The following WSCD2 variants were observed in gnomAD, a reference collection of about 807,000 sequenced individuals.
WSCD2 encodes WSC domain sialate O sulfotransferase 2.
Under a neutral mutation model 55.7 loss-of-function variants are expected in WSCD2, and 28 were observed. The observed-to-expected ratio is 0.50, with a 90% CI of 0.37 to 0.69. WSCD2 has a LOEUF of 0.69. WSCD2 is among the 30% of genes least tolerant of loss of function. The pLI is 0.00. For missense variants in WSCD2, 616 were observed against 762.1 expected (o/e 0.81, Z 2.26); for synonymous variants, 301 against 301.9 (o/e 1.00, Z 0.03).
intron 1 of WSCD2, among the ~76,000 whole-genome samples, chr12:108,180,407 T>G (rs998854040): frequency 3.9e-5 from 6 of 152,240 alleles, no homozygotes; most frequent in African/African-American, 1.4e-4. Flanking sequence ...TTTGTGCAGT[T>G]TGTGCAGGAT....
At chr12:108,173,117 A>G (rs1880404798) in intron 1 of WSCD2, among the ~76,000 whole-genome samples, 1 of 152,146 alleles carries the variant, frequency 6.6e-6, no homozygotes. Flanking sequence ...TTTGAAAAAT[A>G]AATGTGTGTT....
At chr12:108,247,951 C>T (rs1377608886) in intron 8 of WSCD2, 40 bp from the exon 9 acceptor site, 1 of 1,584,866 alleles carries the variant, frequency 6.3e-7, no homozygotes, top group African/African-American at 1.3e-5. Context: ...CTTTCAAACT[C>T]CTCCTCCCTC....
chr12:108,154,250 T>C (rs1018065167), intron 1 of WSCD2, among the ~76,000 whole-genome samples: 1 of 152,140 alleles, frequency 6.6e-6, no homozygotes, highest in Non-Finnish European at 1.5e-5. Context: ...AAGTACAACA[T>C]GGGTCTCACC....
At chr12:108,134,706 T>C (rs1401712059) in intron 1 of WSCD2, among the ~76,000 whole-genome samples, 1 of 152,198 alleles carries the variant, frequency 6.6e-6, no homozygotes, top group Admixed American at 6.5e-5. Context: ...AATGAACACC[T>C]GTACTTTTCA....
intron 4 of WSCD2, among the ~76,000 whole-genome samples, chr12:108,212,366 A>G (rs1351017523): frequency 1.3e-5 from 2 of 152,208 alleles, no homozygotes; most frequent in South Asian, 2.1e-4. Flanking sequence ...ATCCTAGTGG[A>G]TGAAGCTGAG....
At chr12:108,209,564 G>A (rs1311525461) in intron 3 of WSCD2, among the ~76,000 whole-genome samples, 1 of 152,060 alleles carries the variant, frequency 6.6e-6, no homozygotes, top group Non-Finnish European at 1.5e-5. Context: ...AGTAGGTGTA[G>A]AAGGGTGAAG....
intron 7 of WSCD2, among the ~76,000 whole-genome samples, chr12:108,238,862 T>G (rs955502574): frequency 2.0e-5 from 3 of 152,236 alleles, no homozygotes; most frequent in African/African-American, 7.2e-5. Context: ...CAGGTTTGTA[T>G]TTCGGCTCTG....
At chr12:108,243,907 A>AC (rs1889924051) in intron 8 of WSCD2, among the ~76,000 whole-genome samples, 1 of 152,104 alleles carries the variant, frequency 6.6e-6, no homozygotes, top group Admixed American at 6.5e-5. Flanking sequence ...TCCTAGAACC[A>AC]CCACCCCCAC....
intron 1 of WSCD2, among the ~76,000 whole-genome samples, chr12:108,133,747 C>A (rs1007042910): frequency 6.6e-6 from 1 of 152,166 alleles, no homozygotes; most frequent in African/African-American, 2.4e-5. Flanking sequence ...TATCCCCCTG[C>A]CCCCGCCTCC....
chr12:108,248,204 G>T lies in WSCD2; in HGVS notation c.1559G>T (p.Arg520Leu). The change falls in exon 9 of 9, where the codon CGC (arginine) becomes CTC (leucine). Residue 520 changes from arginine (R) to leucine (L), a missense_variant. Arg to Leu is a moderately radical substitution (Grantham distance 102). Around this residue, in one of 3 missense-constraint regions of WSCD2, gnomAD observed 234 missense variants for 264.6 expected, o/e 0.88. Coordinates refer to ENST00000547525, the MANE Select transcript of WSCD2 (RefSeq NM_014653.4). This position sits in a 1 kb window ranked among gnomAD's most constrained non-coding sequence, Gnocchi z 4.3. ...VESQKDGNFK[R>L]SGLRKLEYDP... ...AGCCAGAAGGATGGCAACTTCAAGC[G>T]CTCAGGGCTCCGGAAGCTCGAGTAT... 1 of 1,614,194 alleles carries T rather than the reference G, an allele frequency of 6.2e-7. No individual in the cohort carries two copies. Among genetic ancestry groups the T allele is most frequent in the South Asian group, 1.1e-5 (1 of 91,082 alleles).
intron 1 of WSCD2, among the ~76,000 whole-genome samples, chr12:108,155,320 C>T (rs7316834): frequency 6.6e-6 from 1 of 151,978 alleles, no homozygotes; most frequent in Non-Finnish European, 1.5e-5. Context: ...ACCAGAATTA[C>T]TGTTCTTCCT....
intron 1 of WSCD2, among the ~76,000 whole-genome samples, chr12:108,163,147 G>A (rs557225581): frequency 5.9e-5 from 9 of 152,220 alleles, no homozygotes; most frequent in Non-Finnish European, 4.4e-5. Flanking sequence ...TTCCAAGTCT[G>A]AGCTCGTAAA....
intron 2 of WSCD2, chr12:108,196,769 T>A (rs1307464360): frequency 6.5e-6 from 1 of 153,096 alleles, no homozygotes; most frequent in Non-Finnish European, 1.5e-5. Context: ...TCAGGAGAGA[T>A]CATTGCCCTG....
chr12:108,210,057 T>C lies in WSCD2; in HGVS notation c.498-64T>C, dbSNP rs1249794976. ...CCTCCCATCCCCCAGGTCTCCATGT[T>C]GTGTCTCCCTGCCTCGGGGTCTCCA... On this transcript the variant is annotated intron_variant, in intron 3 of 8. Coordinates refer to ENST00000547525, the MANE Select transcript of WSCD2 (RefSeq NM_014653.4). The surrounding 1 kb of genome is among the most constrained non-coding windows in gnomAD (Gnocchi z 4.3). 2 of 1,604,512 alleles carry C rather than the reference T, an allele frequency of 1.2e-6. No individual in the cohort carries two copies. Among genetic ancestry groups the C allele is most frequent in the Non-Finnish European group, 1.7e-6 (2 of 1,173,272 alleles).
In WSCD2 at chr12:108,248,452, A is replaced by T; in HGVS notation, c.*109A>T. On this transcript the variant is annotated 3_prime_UTR_variant, in exon 9 of 9. Coordinates refer to ENST00000547525, the MANE Select transcript of WSCD2 (RefSeq NM_014653.4). This position sits in a 1 kb window ranked among gnomAD's most constrained non-coding sequence, Gnocchi z 4.3. ...TCTGTCCTCTCTTTGGTCTGGGGAC[A>T]ATCCCCTTGGCTGCTCTTTGCCTTC... is the stretch of plus-strand genomic sequence containing the variant. 6.2e-6 allele frequency: 9 copies of T among 1,458,136 alleles called. No homozygotes were observed. Among genetic ancestry groups the T allele is most frequent in the Non-Finnish European group, 8.1e-6 (9 of 1,106,434 alleles). 90.3% of individuals were successfully genotyped at this position (1,458,136 alleles called of 1,614,324 possible).
At chr12:108,142,139 A>G (rs781054498) in intron 1 of WSCD2, among the ~76,000 whole-genome samples, 1 of 152,128 alleles carries the variant, frequency 6.6e-6, no homozygotes, top group Non-Finnish European at 1.5e-5. Flanking sequence ...TTATTAGAAC[A>G]TTTTTATTTT....
intron 1 of WSCD2, among the ~76,000 whole-genome samples, chr12:108,147,310 G>T (rs1180500306): frequency 6.6e-6 from 1 of 152,188 alleles, no homozygotes; most frequent in Non-Finnish European, 1.5e-5. Flanking sequence ...CGGGGGTAGA[G>T]AGTGGAAAGG....
chr12:108,200,719 GAA>G (rs1237074028), intron 2 of WSCD2, among the ~76,000 whole-genome samples: 2 of 152,180 alleles, frequency 1.3e-5, no homozygotes, highest in African/African-American at 4.8e-5. Flanking sequence ...AGAAAATTTA[GAA>G]AAGTTTTGGG....
At chr12:108,207,095 G>A (rs1200351224) in intron 3 of WSCD2, among the ~76,000 whole-genome samples, 1 of 152,182 alleles carries the variant, frequency 6.6e-6, no homozygotes, top group East Asian at 1.9e-4. Context: ...CTAGGGGGGA[G>A]TGAGTTGATG....
Sources: gnomAD v4.1 joint callset for allele counts (sites outside exome capture counted in the v4.1 genomes callset) on GRCh38, gnomAD v4.1.1 for gene constraint, gnomAD v4.1.1 regional missense constraint, Gnocchi (gnomAD v3.1) non-coding constraint, MANE v1.5 for transcripts, NCBI Gene and HGNC (gene_info 2026-07-23, HGNC 2026-07-21) for gene names.